The following SYNE1 variants were observed in gnomAD, a reference collection of about 807,000 sequenced individuals.
SYNE1 encodes nesprin-1.
SYNE1 carries 616 observed loss-of-function variants against 1,111.0 expected under a neutral mutation model. The observed-to-expected ratio is 0.55, with a 90% CI of 0.52 to 0.59. The LOEUF is 0.59. SYNE1 is among the 20% of genes least tolerant of loss of function. The pLI, the probability that SYNE1 is intolerant of heterozygous loss-of-function variation, is 0.00. For missense variants in SYNE1, 10,006 were observed against 10,417.0 expected, an observed-to-expected ratio of 0.96 and a Z score of 1.72; for synonymous variants, 3,855 against 3,825.8, an observed-to-expected ratio of 1.01 and a Z score of -0.28.
chr6:152,346,798 A>G (rs578194243), intron 73 of SYNE1, among the ~76,000 whole-genome samples: 13 of 152,274 alleles, frequency 8.5e-5, no homozygotes, highest in African/African-American at 3.1e-4. Flanking sequence ...CGACAGAGTG[A>G]GACTCCGTCT....
At chr6:152,305,539 C>G (rs566402666) in intron 91 of SYNE1, among the ~76,000 whole-genome samples, 1 of 152,120 alleles carries the variant, frequency 6.6e-6, no homozygotes, top group African/African-American at 2.4e-5. Context: ...ACTGGGATTA[C>G]AAGTGTGAGC....
At chr6:152,433,985 T>C in intron 33 of SYNE1, 40 bp from the exon 34 acceptor site, 1 of 1,528,014 alleles carries the variant, frequency 6.5e-7, no homozygotes, top group Non-Finnish European at 9.0e-7. Flanking sequence ...CTCAGTATTT[T>C]AATAGAGAAC....
intron 130 of SYNE1, 117 bp downstream of exon 130, chr6:152,176,277 G>A: frequency 1.4e-6 from 2 of 1,417,810 alleles, no homozygotes; most frequent in East Asian, 2.3e-5. Context: ...TTTGAAAATG[G>A]TGAGATAACC....
chr6:152,399,774 TG>T lies in SYNE1; in HGVS notation c.7078del (p.Gln2360LysfsTer23). On this transcript the variant is annotated frameshift_variant, in exon 48 of 146. Coordinates refer to ENST00000367255, the MANE Select transcript of SYNE1 (RefSeq NM_182961.4). LOFTEE classifies it high-confidence loss of function. ...GCGGCACAAGCTATTGAGATTTTCT[TG>T]GGTAGAGCTGATGTTGCTTTGTTGA... is the stretch of plus-strand genomic sequence containing the variant. ...QSQQSNISST[Q>X]ENLNSLCRKY... 1 of 1,614,160 alleles carries T rather than the reference TG, an allele frequency of 6.2e-7. No individual in the cohort carries two copies. The highest frequency in any genetic ancestry group is 8.5e-7 in the Non-Finnish European group (1 of 1,180,004).
chr6:152,234,435 T>C (rs1331696759), intron 111 of SYNE1, among the ~76,000 whole-genome samples: 1 of 152,030 alleles, frequency 6.6e-6, no homozygotes, highest in Admixed American at 6.6e-5. Flanking sequence ...GCTGGGATTA[T>C]AGGCATGCAC....
intron 93 of SYNE1, among the ~76,000 whole-genome samples, chr6:152,298,783 A>G (rs1221922993): frequency 6.6e-6 from 1 of 152,182 alleles, no homozygotes; most frequent in Non-Finnish European, 1.5e-5. Context: ...AACTGACATT[A>G]CTATACAAAA....
intron 145 of SYNE1, chr6:152,125,513 G>A (rs1243296741): frequency 1.3e-5 from 13 of 992,242 alleles, no homozygotes; most frequent in Non-Finnish European, 1.8e-5. Flanking sequence ...GCCTTAAAGT[G>A]TCTTAAGAAG....
At chr6:152,636,511 A>T (rs2099706160) in intron 2 of SYNE1, 127 bp downstream of exon 2, 1 of 152,764 alleles carries the variant, frequency 6.5e-6, no homozygotes, top group East Asian at 1.9e-4. Flanking sequence ...CCCATCAAGC[A>T]CGCAGAGCCC....
Position 152,441,206 on chromosome 6 carries a change from T to G in SYNE1, c.4073A>C (p.Gln1358Pro), listed in dbSNP as rs762380839. The stretch of plus-strand genomic sequence containing the variant: ...GAAGCGTTCATGACTGGAACCTGTT[T>G]GAAAAAGGTATCTTACTACTGTTTC... ...NKETVVRYLFQTGSSHERFLS... is the reference protein window; with the variant it reads ...NKETVVRYLFPTGSSHERFLS... Residue 1358 changes from glutamine to proline, a missense_variant, in exon 32 of 146, where the codon CAA becomes CCA. Coordinates refer to ENST00000367255, the MANE Select transcript of SYNE1 (RefSeq NM_182961.4). The G allele has an allele frequency of 3.1e-6, 5 of 1,612,964 alleles. No individual in the cohort carries two copies. In the South Asian group the frequency reaches 5.5e-5, roughly 18 times the overall value.
intron 125 of SYNE1, 101 bp from the exon 126 acceptor site, chr6:152,206,463 G>T: frequency 1.5e-6 from 2 of 1,314,332 alleles, no homozygotes; most frequent in Non-Finnish European, 2.1e-6. Context: ...CTTTCATCCA[G>T]CAAGCATTTA....
intron 3 of SYNE1, chr6:152,546,389 G>A (rs892108623): frequency 3.3e-5 from 5 of 152,126 alleles, no homozygotes; most frequent in African/African-American, 7.2e-5. Flanking sequence ...CTTCTCTTAG[G>A]AGGTGGTCTC....
intron 6 of SYNE1, 104 bp downstream of exon 6, chr6:152,520,355 T>C: frequency 9.2e-7 from 1 of 1,092,396 alleles, no homozygotes; most frequent in South Asian, 1.2e-5. Context: ...GCTGTATAGA[T>C]TACATGCCAT....
At position 152,404,262 on chromosome 6, in the gene SYNE1, T is replaced by C; in HGVS notation, c.6776A>G (p.Asn2259Ser). Residue 2259 changes from asparagine to serine, a missense_variant, in exon 46 of 146, where the codon AAT (asparagine) becomes AGT (serine). Asn to Ser is a conservative substitution (Grantham distance 46, BLOSUM62 1). This residue lies in a region of SYNE1 where 4,955 missense variants were observed against 5,017.2 expected (regional missense o/e 0.99). Transcript: ENST00000367255. ...ATTTTTAGTTAATTCTTTCAGATCATTAACTTTGGAATGCAGTTCTTCCAA... is the reference window on the plus strand; with the variant it reads ...ATTTTTAGTTAATTCTTTCAGATCACTAACTTTGGAATGCAGTTCTTCCAA... ...LRLEELHSKV[N>S]DLKELTKNLE... The C allele has an allele frequency of 6.2e-7, 1 of 1,613,132 alleles. No homozygotes were observed. The highest frequency in any genetic ancestry group is 8.5e-7 in the Non-Finnish European group (1 of 1,179,766).
In SYNE1 at chr6:152,505,188, A is replaced by C. The variant is rs775117869; in HGVS notation, c.778+13T>G. Reference sequence around the variant, plus strand: ...TGTTAAGGTATATAACAGTCAATGAATATTCAGCCTACCTTCAGGATCTAG... The same window carrying C: ...TGTTAAGGTATATAACAGTCAATGACTATTCAGCCTACCTTCAGGATCTAG... On this transcript the variant is annotated intron_variant, in intron 9 of 145. Transcript: ENST00000367255. 1 of 1,613,926 alleles carries C rather than the reference A, an allele frequency of 6.2e-7. No homozygotes were observed. The highest frequency in any genetic ancestry group is 8.5e-7 in the Non-Finnish European group (1 of 1,179,860).
chr6:152,529,358 G>C lies in SYNE1; in HGVS notation c.130-3183C>G, dbSNP rs186757965. Among the ~76,000 whole-genome samples, 358 of 151,654 alleles carry C rather than the reference G, an allele frequency of 2.4e-3. 3 individuals carry two copies. The highest frequency in any genetic ancestry group is 7.3e-3 in the African/African-American group (298 of 41,002). ...ACTTCTTAAATTTTCATTTCATACT[G>C]TATGTGAGTGGCCTGAGCTGGGCCC... On this transcript the variant is annotated intron_variant, in intron 4 of 145. Transcript: ENST00000367255.
chr6:152,460,189 G>A (rs1318477128), intron 21 of SYNE1, among the ~76,000 whole-genome samples: 1 of 152,144 alleles, frequency 6.6e-6, no homozygotes, highest in East Asian at 1.9e-4. Flanking sequence ...GCCCAGCTAT[G>A]GCCCTGAAAG....
intron 28 of SYNE1, 55 bp from the exon 29 acceptor site, chr6:152,447,677 T>C (rs924578924): frequency 1.1e-4 from 177 of 1,609,710 alleles, no homozygotes; most frequent in Non-Finnish European, 1.4e-4. Flanking sequence ...ATCATAACTT[T>C]CCAGCAATAA....
intron 58 of SYNE1, among the ~76,000 whole-genome samples, chr6:152,375,477 A>G (rs1359500744): frequency 6.6e-6 from 1 of 152,254 alleles, no homozygotes; most frequent in East Asian, 1.9e-4. Flanking sequence ...ATGTGAAATG[A>G]GCGGACATAC....
intron 121 of SYNE1, among the ~76,000 whole-genome samples, chr6:152,217,341 A>G (rs1024868376): frequency 2.7e-5 from 4 of 150,164 alleles, no homozygotes; most frequent in Admixed American, 2.0e-4. Flanking sequence ...GCTTGCAGTG[A>G]GCCGAGATTG....
Sources: gnomAD v4.1 joint callset for allele counts (sites outside exome capture counted in the v4.1 genomes callset) on GRCh38, gnomAD v4.1.1 for gene constraint, gnomAD v4.1.1 regional missense constraint, MANE v1.5 for transcripts, NCBI Gene and HGNC (gene_info 2026-07-23, HGNC 2026-07-21) for gene names.